TRAT1: variants seen among roughly 807,000 people sequenced by gnomAD.
TRAT1 encodes T cell receptor associated transmembrane adaptor 1, also known as T-cell receptor-associated transmembrane adapter 1.
A neutral mutation model predicts 20.0 loss-of-function variants in TRAT1; 20 were observed. The observed-to-expected ratio is 1.00, with a 90% CI of 0.70 to 1.45. The LOEUF is 1.45. Ranked by LOEUF, TRAT1 falls within the 40% of genes most tolerant of loss-of-function variation. The pLI is 0.00. For missense variants in TRAT1, 237 were observed against 224.1 expected (o/e 1.06, Z -0.37); for synonymous variants, 77 against 74.2 (o/e 1.04, Z -0.20).
intron 2 of TRAT1, among the ~76,000 whole-genome samples, chr3:108,835,822 C>CT (rs905551994): frequency 2.0e-5 from 3 of 151,772 alleles, no homozygotes; most frequent in African/African-American, 7.3e-5. Flanking sequence ...CAGTTTTTGT[C>CT]TTTTTTTTCT....
chr3:108,828,592 G>A (rs1417446782), intron 1 of TRAT1, among the ~76,000 whole-genome samples: 3 of 152,094 alleles, frequency 2.0e-5, no homozygotes, highest in Non-Finnish European at 2.9e-5. Flanking sequence ...ACCATGTGAT[G>A]TATTAAATAA....
At chr3:108,831,538 C>CTTTTT (rs779234270) in intron 2 of TRAT1, among the ~76,000 whole-genome samples, 1 of 132,166 alleles carries the variant, frequency 7.6e-6, no homozygotes, top group Non-Finnish European at 1.6e-5. Flanking sequence ...TGGAAGGTAT[C>CTTTTT]TTTTTTTTTT....
In TRAT1 at chr3:108,854,139, T is replaced by C. The variant is rs1478080519; in HGVS notation, c.*262T>C. 2 of 317,166 alleles carry C rather than the reference T, an allele frequency of 6.3e-6. No homozygotes were observed. The highest frequency in any genetic ancestry group is 1.2e-5 in the Non-Finnish European group (2 of 171,694). 19.6% of individuals were successfully genotyped at this position (317,166 alleles called of 1,614,324 possible). On this transcript the variant is annotated 3_prime_UTR_variant, in exon 6 of 6. Transcript: ENST00000295756. ...AATGTGCTCACCTCGGCAGCACATA[T>C]ACTAAAAATTAATAAGACCCAGCTT... is the stretch of plus-strand genomic sequence containing the variant.
At chr3:108,846,957 G>T in intron 3 of TRAT1, 111 bp from the exon 4 acceptor site, 1 of 759,724 alleles carries the variant, frequency 1.3e-6, no homozygotes, top group Non-Finnish European at 2.2e-6. Flanking sequence ...TTGGCTGGGG[G>T]TAACCAAGAA....
chr3:108,840,542 A>G (rs1945885287), intron 3 of TRAT1, among the ~76,000 whole-genome samples: 1 of 151,996 alleles, frequency 6.6e-6, no homozygotes, highest in Admixed American at 6.6e-5. Context: ...AAATGTAAAA[A>G]AAAAAAAAAA....
At chr3:108,838,243 T>C (rs974770745) in intron 2 of TRAT1, among the ~76,000 whole-genome samples, 26 of 152,176 alleles carry the variant, frequency 1.7e-4, no homozygotes, top group Non-Finnish European at 5.9e-5. Flanking sequence ...ACAATGTGGA[T>C]GAAATGAAGT....
At chr3:108,852,178 C>T (rs1946003710) in intron 5 of TRAT1, among the ~76,000 whole-genome samples, 1 of 152,128 alleles carries the variant, frequency 6.6e-6, no homozygotes, top group East Asian at 1.9e-4. Context: ...ATCAAGTGTT[C>T]AAGACCAGCC....
Position 108,854,324 on chromosome 3 carries a change from A to C in TRAT1, c.*447A>C, listed in dbSNP as rs1946026089. On this transcript the variant is annotated 3_prime_UTR_variant, in exon 6 of 6. Coordinates refer to ENST00000295756, the MANE Select transcript of TRAT1 (RefSeq NM_016388.4). Reference sequence around the variant, plus strand: ...CTTTCTCACCAATGGGCAATAGCCCATAATTGAAATAAATTTCTGATTGAA... The same window carrying C: ...CTTTCTCACCAATGGGCAATAGCCCCTAATTGAAATAAATTTCTGATTGAA... The C allele has an allele frequency of 6.5e-6, 1 of 154,026 alleles. No individual in the cohort carries two copies. Among genetic ancestry groups the C allele is most frequent in the Non-Finnish European group, 1.4e-5 (1 of 69,220 alleles). 9.5% of individuals were successfully genotyped at this position (154,026 alleles called of 1,614,324 possible).
chr3:108,848,337 G>C (rs1420130392), intron 4 of TRAT1, among the ~76,000 whole-genome samples: 4 of 152,172 alleles, frequency 2.6e-5, no homozygotes, highest in Non-Finnish European at 5.9e-5. Flanking sequence ...TTTTCAGAAA[G>C]AGCTCAATGA....
chr3:108,830,825 G>A, intron 2 of TRAT1, 45 bp downstream of exon 2: 2 of 1,236,908 alleles, frequency 1.6e-6, no homozygotes, highest in Non-Finnish European at 2.4e-6. Context: ...CTTGAATGGA[G>A]ACTATGGAGT....
chr3:108,827,094 CCT>C (rs1478845287), intron 1 of TRAT1, among the ~76,000 whole-genome samples: 1 of 152,142 alleles, frequency 6.6e-6, no homozygotes, highest in East Asian at 1.9e-4. Context: ...AGCTGCCATT[CCT>C]CTCTGATAAT....
At chr3:108,843,102 G>C (rs531112824) in intron 3 of TRAT1, among the ~76,000 whole-genome samples, 6 of 152,256 alleles carry the variant, frequency 3.9e-5, no homozygotes, top group African/African-American at 1.4e-4. Context: ...AATGTAATAA[G>C]CATATATGCA....
At position 108,853,876 on chromosome 3, in the gene TRAT1, A is replaced by G; in HGVS notation, c.560A>G (p.Ter187TrpextTer8). The change falls in exon 6 of 6, where the codon TAG becomes TGG. Residue 187 changes from the stop codon to tryptophan (W), a stop_lost. Coordinates refer to ENST00000295756, the MANE Select transcript of TRAT1 (RefSeq NM_016388.4). The stretch of plus-strand genomic sequence containing the variant: ...CGTGCTAAGAGAGAACCTATAAACT[A>G]GCTGGACCATGATCTAGTTCAATGA... ...LIRAKREPIN[*>W] 2 of 1,613,308 alleles carry G rather than the reference A, an allele frequency of 1.2e-6. No individual in the cohort carries two copies. Among genetic ancestry groups the G allele is most frequent in the South Asian group, 2.2e-5 (2 of 91,026 alleles).
intron 3 of TRAT1, among the ~76,000 whole-genome samples, chr3:108,846,605 A>G (rs1945945269): frequency 1.3e-5 from 2 of 152,354 alleles, no homozygotes; most frequent in South Asian, 2.1e-4. Flanking sequence ...AGTACATTGT[A>G]CAATAAAGAG....
At chr3:108,847,743 G>C (rs1362768683) in intron 4 of TRAT1, among the ~76,000 whole-genome samples, 1 of 152,024 alleles carries the variant, frequency 6.6e-6, no homozygotes, top group Non-Finnish European at 1.5e-5. Context: ...AGATAACCTT[G>C]GTCTGATTCT....
intron 5 of TRAT1, among the ~76,000 whole-genome samples, chr3:108,851,110 A>T (rs1945994586): frequency 6.6e-6 from 1 of 152,246 alleles, no homozygotes; most frequent in African/African-American, 2.4e-5. Context: ...TTATTATCAT[A>T]AAAAAACACT....
chr3:108,842,080 G>A (rs1483782288), intron 3 of TRAT1, among the ~76,000 whole-genome samples: 1 of 152,162 alleles, frequency 6.6e-6, no homozygotes, highest in Non-Finnish European at 1.5e-5. Flanking sequence ...CTGCCCACTT[G>A]CAGTATGTTC....
rs764325633 is a variant in TRAT1, at chr3:108,838,982, A to C, written c.152+15A>C. 2 of 1,589,610 alleles carry C rather than the reference A, an allele frequency of 1.3e-6. No individual in the cohort carries two copies. Among genetic ancestry groups the C allele is most frequent in the African/African-American group, 2.7e-5 (2 of 74,704 alleles). ...GACCACACCAGGTATGTTGTGATTC[A>C]GTCATGGATCATGATTCCCAACTAA... On this transcript the variant is annotated intron_variant, in intron 3 of 5. Coordinates refer to ENST00000295756, the MANE Select transcript of TRAT1 (RefSeq NM_016388.4).
intron 5 of TRAT1, among the ~76,000 whole-genome samples, chr3:108,849,859 T>G (rs1945982177): frequency 6.6e-6 from 1 of 152,218 alleles, no homozygotes; most frequent in African/African-American, 2.4e-5. Context: ...CCACAATCTG[T>G]TCAACCTCTT....
Sources: allele counts gnomAD v4.1 joint callset (sites outside exome capture counted in the v4.1 genomes callset), GRCh38; gene constraint gnomAD v4.1.1; transcripts MANE v1.5; gene names NCBI Gene and HGNC (gene_info 2026-07-23, HGNC 2026-07-21).